Variants in EFCAB11 observed in about 807,000 individuals in gnomAD.
The protein encoded by EFCAB11 is EF-hand calcium binding domain 11, also known as EF-hand calcium-binding domain-containing protein 11.
Under a neutral mutation model 23.0 loss-of-function variants are expected in EFCAB11, and 14 were observed. The ratio of observed to expected loss-of-function variants is 0.61; its 90% CI spans 0.40 to 0.95. The LOEUF is 0.95. Among genes scored for constraint, EFCAB11 ranks in the 40% least tolerant of loss-of-function variants. The probability of loss-of-function intolerance (pLI) is 0.00; values close to 1 mark genes in which losing one functional copy is unlikely to be tolerated. For missense variants in EFCAB11, 198 were observed against 195.8 expected (o/e 1.01, Z -0.07); for synonymous variants, 65 against 66.6 (o/e 0.98, Z 0.11).
intron 5 of EFCAB11, among the ~76,000 whole-genome samples, chr14:89,798,170 T>C (rs926149170): frequency 7.2e-5 from 11 of 152,236 alleles, no homozygotes; most frequent in African/African-American, 1.7e-4. Context: ...TTTTAAAATA[T>C]TGAATTCTAA....
intron 3 of EFCAB11, among the ~76,000 whole-genome samples, chr14:89,939,834 G>A (rs1890730946): frequency 6.6e-6 from 1 of 152,110 alleles, no homozygotes; most frequent in Non-Finnish European, 1.5e-5. Context: ...CGCTTCCCAG[G>A]TTCAAGCAAT....
chr14:89,855,776 T>C (rs1037255600), intron 5 of EFCAB11, among the ~76,000 whole-genome samples: 3 of 152,182 alleles, frequency 2.0e-5, no homozygotes, highest in Non-Finnish European at 2.9e-5. Context: ...TATCTCCCCA[T>C]TTCCTGGCAT....
At chr14:89,899,275 T>C (rs769675630) in intron 5 of EFCAB11, among the ~76,000 whole-genome samples, 2 of 152,194 alleles carry the variant, frequency 1.3e-5, no homozygotes, top group African/African-American at 2.4e-5. Flanking sequence ...TGAAACATAA[T>C]GTAAATCTTA....
intron 5 of EFCAB11, among the ~76,000 whole-genome samples, chr14:89,898,297 C>G (rs1381303278): frequency 6.6e-6 from 1 of 152,156 alleles, no homozygotes; most frequent in Non-Finnish European, 1.5e-5. Flanking sequence ...CATGACCCTA[C>G]AAGAAACTGT....
chr14:89,827,324 G>A (rs1186368618), intron 5 of EFCAB11, among the ~76,000 whole-genome samples: 1 of 152,138 alleles, frequency 6.6e-6, no homozygotes, highest in Non-Finnish European at 1.5e-5. Flanking sequence ...ATAGGAAAAC[G>A]CACGAAACTA....
intron 5 of EFCAB11, among the ~76,000 whole-genome samples, chr14:89,906,571 A>T (rs1047849239): frequency 1.3e-5 from 2 of 152,196 alleles, no homozygotes; most frequent in Non-Finnish European, 2.9e-5. Flanking sequence ...AGGTTTTAAA[A>T]TGTGGTTTTT....
chr14:89,953,885 A>C lies in EFCAB11; in HGVS notation c.171+21T>G, dbSNP rs1391291373. 4 of 1,603,964 alleles carry C rather than the reference A, an allele frequency of 2.5e-6. No homozygotes were observed. The South Asian group carries it at 4.4e-5, about 18-fold the overall frequency. ...ACCTTTGATCGTCTACCCCATCCCC[A>C]AATATATAAGAAAGCTCTACCTTGG... On this transcript the variant is annotated intron_variant, in intron 2 of 5. Coordinates refer to ENST00000316738, the MANE Select transcript of EFCAB11 (RefSeq NM_145231.4).
intron 2 of EFCAB11, among the ~76,000 whole-genome samples, chr14:89,950,526 A>G (rs992297690): frequency 1.3e-5 from 2 of 152,174 alleles, no homozygotes; most frequent in African/African-American, 4.8e-5. Flanking sequence ...TCCTAATTAT[A>G]AAAGTATCAC....
At chr14:89,917,158 T>G (rs981237473) in intron 5 of EFCAB11, among the ~76,000 whole-genome samples, 6 of 150,756 alleles carry the variant, frequency 4.0e-5, no homozygotes, top group Non-Finnish European at 8.9e-5. Context: ...ACACAACACA[T>G]TAACTATAGT....
At chr14:89,951,897 C>A (rs1323309765) in intron 2 of EFCAB11, among the ~76,000 whole-genome samples, 2 of 152,156 alleles carry the variant, frequency 1.3e-5, no homozygotes, top group African/African-American at 4.8e-5. Context: ...TACACTCTAG[C>A]CTGGGTGACA....
At chr14:89,875,721 G>A (rs570453741) in intron 5 of EFCAB11, among the ~76,000 whole-genome samples, 3 of 152,294 alleles carry the variant, frequency 2.0e-5, no homozygotes, top group South Asian at 4.1e-4. Flanking sequence ...AGAGAAAGAC[G>A]TTCAGTAGGA....
chr14:89,803,240 G>A (rs532240963), intron 5 of EFCAB11, among the ~76,000 whole-genome samples: 8 of 152,166 alleles, frequency 5.3e-5, no homozygotes, highest in African/African-American at 1.9e-4. Context: ...TTGCTTTAAA[G>A]ACTTTTTCTT....
chr14:89,876,360 GC>G (rs1479201746), intron 5 of EFCAB11, among the ~76,000 whole-genome samples: 3 of 152,178 alleles, frequency 2.0e-5, no homozygotes, highest in African/African-American at 7.2e-5. Flanking sequence ...TCTTGGTCAT[GC>G]TATCTCCAAG....
chr14:89,809,422 T>C (rs143588678), intron 5 of EFCAB11, among the ~76,000 whole-genome samples: 102 of 152,292 alleles, frequency 6.7e-4, no homozygotes, highest in African/African-American at 2.4e-3. Flanking sequence ...TTCTGCCCAT[T>C]ATCTAGTTTC....
At chr14:89,831,223 C>T (rs1450145865) in intron 5 of EFCAB11, 1 of 152,108 alleles carries the variant, frequency 6.6e-6, no homozygotes, top group Non-Finnish European at 1.5e-5. Context: ...GTTTCTGGCA[C>T]AAGCAACACA....
At chr14:89,882,012 A>G (rs546649850) in intron 5 of EFCAB11, among the ~76,000 whole-genome samples, 1 of 152,318 alleles carries the variant, frequency 6.6e-6, no homozygotes, top group Non-Finnish European at 1.5e-5. Context: ...AATGCTTCCA[A>G]AAACTGGTTT....
At chr14:89,941,127 C>T (rs1016601073) in intron 3 of EFCAB11, among the ~76,000 whole-genome samples, 4 of 152,214 alleles carry the variant, frequency 2.6e-5, no homozygotes, top group African/African-American at 9.7e-5. Flanking sequence ...CTCCATGAGA[C>T]ATCACAGAAG....
At chr14:89,934,106 C>T (rs957905196) in intron 3 of EFCAB11, among the ~76,000 whole-genome samples, 2 of 152,162 alleles carry the variant, frequency 1.3e-5, no homozygotes, top group East Asian at 3.9e-4. Flanking sequence ...CTCTTGTGGG[C>T]CACAGTAAAT....
At chr14:89,940,050 T>C (rs1014896815) in intron 3 of EFCAB11, among the ~76,000 whole-genome samples, 5 of 152,214 alleles carry the variant, frequency 3.3e-5, no homozygotes, top group East Asian at 1.9e-4. Context: ...ATAAAATATA[T>C]ATTTTTAAAT....
Sources: gnomAD v4.1 joint callset for allele counts (sites outside exome capture counted in the v4.1 genomes callset) on GRCh38, gnomAD v4.1.1 for gene constraint, MANE v1.5 for transcripts, NCBI Gene and HGNC (gene_info 2026-07-23, HGNC 2026-07-21) for gene names.